BBX: variants seen among roughly 807,000 people sequenced by gnomAD.
BBX encodes HMG box transcription factor BBX.
Under a neutral mutation model 100.2 loss-of-function variants are expected in BBX, and 30 were observed. That is an observed-to-expected ratio of 0.30 (90% CI 0.22 to 0.41). The LOEUF is 0.41. Among genes scored for constraint, BBX ranks in the 10% least tolerant of loss-of-function variants. The probability of loss-of-function intolerance (pLI) is 1.00; values close to 1 mark genes in which losing one functional copy is unlikely to be tolerated. For missense variants in BBX, 1,023 were observed against 1,129.8 expected (o/e 0.91, Z 1.35); for synonymous variants, 376 against 388.1 (o/e 0.97, Z 0.37).
Position 107,804,656 on chromosome 3 carries a change from C to T in BBX, c.2739-714C>T, listed in dbSNP as rs1264182909. Among the ~76,000 whole-genome samples, 6 of 152,240 alleles carry T rather than the reference C, an allele frequency of 3.9e-5. No homozygotes were observed. In the East Asian group the frequency reaches 1.2e-3, roughly 29 times the overall value. On this transcript the variant is annotated intron_variant, in intron 17 of 17. Transcript: ENST00000325805. ...TGAAAATTTCCATGAATTTTCTAGTCCTGTCTGGAGTTCTCCCTCCATGTG... is the reference window on the plus strand; with the variant it reads ...TGAAAATTTCCATGAATTTTCTAGTTCTGTCTGGAGTTCTCCCTCCATGTG...
At chr3:107,529,321 G>T (rs945739990) in intron 2 of BBX, among the ~76,000 whole-genome samples, 2 of 152,182 alleles carry the variant, frequency 1.3e-5, no homozygotes, top group African/African-American at 4.8e-5. Flanking sequence ...TTTCACCACT[G>T]AGGGTACCTT....
intron 5 of BBX, among the ~76,000 whole-genome samples, chr3:107,717,688 A>G (rs1576481198): frequency 6.6e-6 from 1 of 152,158 alleles, no homozygotes; most frequent in Admixed American, 6.6e-5. Flanking sequence ...GAATGATAGC[A>G]GTTACTAAAT....
At chr3:107,695,457 A>C (rs1576374640) in intron 3 of BBX, among the ~76,000 whole-genome samples, 2 of 138,302 alleles carry the variant, frequency 1.4e-5, no homozygotes, top group South Asian at 4.7e-4. Flanking sequence ...TTATGTACCC[A>C]GTAGTCATTC....
At chr3:107,791,765 G>C (rs1227707102) in intron 15 of BBX, among the ~76,000 whole-genome samples, 1 of 152,172 alleles carries the variant, frequency 6.6e-6, no homozygotes, top group Non-Finnish European at 1.5e-5. Context: ...TACCTCGGGA[G>C]GCCAAGGCGG....
chr3:107,752,246 A>C (rs192341293), intron 9 of BBX, among the ~76,000 whole-genome samples: 1 of 152,354 alleles, frequency 6.6e-6, no homozygotes, highest in Admixed American at 6.5e-5. Context: ...ACCATTGGAT[A>C]TAAGCAATAG....
At chr3:107,648,129 A>G (rs894383178) in intron 3 of BBX, among the ~76,000 whole-genome samples, 1 of 152,178 alleles carries the variant, frequency 6.6e-6, no homozygotes, top group Admixed American at 6.5e-5. Context: ...GAATGCACAT[A>G]ATGTATTAAA....
chr3:107,656,162 A>T (rs2058127848), intron 3 of BBX, among the ~76,000 whole-genome samples: 1 of 150,520 alleles, frequency 6.6e-6, no homozygotes, highest in Non-Finnish European at 1.5e-5. Context: ...ACATTTCATA[A>T]TTGGTCCAAG....
intron 3 of BBX, among the ~76,000 whole-genome samples, chr3:107,671,827 A>G (rs1033844061): frequency 2.0e-5 from 3 of 152,076 alleles, no homozygotes; most frequent in African/African-American, 7.2e-5. Flanking sequence ...ATGGAATAGC[A>G]TGCTACAAGA....
rs2067094923 is a variant in BBX, at chr3:107,773,731, G to A, written c.1915+95G>A. ...AACAACTGCCATAAAAAACAATATG[G>A]TATCAAAATAATACCTTACATTTGT... On this transcript the variant is annotated intron_variant, in intron 11 of 17. Transcript: ENST00000325805. This position sits in a 1 kb window ranked among gnomAD's most constrained non-coding sequence, Gnocchi z 4.1. The A allele has an allele frequency of 9.1e-7, 1 of 1,096,018 alleles. No individual in the cohort carries two copies. The highest frequency in any genetic ancestry group is 1.3e-6 in the Non-Finnish European group (1 of 776,226). The allele number at this position is 1,096,018 out of a possible 1,614,324, so 67.9% of individuals were successfully genotyped here.
chr3:107,610,894 G>A (rs1043446949), intron 2 of BBX, among the ~76,000 whole-genome samples: 3 of 151,270 alleles, frequency 2.0e-5, no homozygotes, highest in East Asian at 1.9e-4. Flanking sequence ...CTGCCATTTT[G>A]TTATTTGTTT....
chr3:107,681,668 G>T (rs934767322), intron 3 of BBX, among the ~76,000 whole-genome samples: 1 of 152,108 alleles, frequency 6.6e-6, no homozygotes, highest in Non-Finnish European at 1.5e-5. Flanking sequence ...CCTAACCAGA[G>T]AAGTAATTGG....
At chr3:107,662,428 A>T (rs2058499929) in intron 3 of BBX, among the ~76,000 whole-genome samples, 1 of 152,176 alleles carries the variant, frequency 6.6e-6, no homozygotes, top group Non-Finnish European at 1.5e-5. Context: ...AATTCCAGTT[A>T]TGAAAAGAAG....
At position 107,585,035 on chromosome 3, in the gene BBX, A is replaced by G. The variant is rs939001471; in HGVS notation, c.-84+58637A>G. Among the ~76,000 whole-genome samples, 4 of 152,108 alleles carry G rather than the reference A, an allele frequency of 2.6e-5. No homozygotes were observed. The South Asian group carries it at 8.3e-4, about 31-fold the overall frequency. ...GAGACAAAAATGCAGGTGAGTATAT[A>G]AGAACAAAGCTTGGAGATCCAGTTC... On this transcript the variant is annotated intron_variant, in intron 2 of 17. Coordinates refer to ENST00000325805, the MANE Select transcript of BBX (RefSeq NM_001142568.3).
At chr3:107,525,226 A>C (rs909909596) in intron 1 of BBX, among the ~76,000 whole-genome samples, 3 of 150,034 alleles carry the variant, frequency 2.0e-5, no homozygotes, top group African/African-American at 7.3e-5. Context: ...CCAAGCCCGG[A>C]ATGGCAGCGC....
At chr3:107,547,802 T>A (rs1181793678) in intron 2 of BBX, among the ~76,000 whole-genome samples, 2 of 152,068 alleles carry the variant, frequency 1.3e-5, no homozygotes, top group Non-Finnish European at 2.9e-5. Flanking sequence ...TCTATTGATC[T>A]TATTCTTCAT....
At chr3:107,539,068 G>A (rs1355555493) in intron 2 of BBX, among the ~76,000 whole-genome samples, 1 of 152,154 alleles carries the variant, frequency 6.6e-6, no homozygotes, top group Non-Finnish European at 1.5e-5. Flanking sequence ...GAGATTACAG[G>A]TGTGAGGCAC....
chr3:107,596,446 A>G (rs2053672002), intron 2 of BBX, among the ~76,000 whole-genome samples: 2 of 152,200 alleles, frequency 1.3e-5, no homozygotes, highest in African/African-American at 2.4e-5. Flanking sequence ...TAATGGTATT[A>G]ACAATTTTTT....
chr3:107,748,107 T>A (rs2064775402), intron 9 of BBX, 68 bp downstream of exon 9: 2 of 1,345,540 alleles, frequency 1.5e-6, no homozygotes, highest in Admixed American at 1.8e-5. Flanking sequence ...TGGAATGGAG[T>A]TTTAATAATG....
rs745521083 is a variant in BBX at position 107,772,921 on chromosome 3, T to C, written c.1200T>C (p.Asp400=). 4 of 1,599,424 alleles carry C rather than the reference T, an allele frequency of 2.5e-6. No individual in the cohort carries two copies. The highest frequency in any genetic ancestry group is 2.6e-6 in the Non-Finnish European group (3 of 1,168,148). Reference sequence around the variant, plus strand: ...TTAGAAAGGAAGAGTTAGAAGAAGATCACAAATGTAGTCATTTTCCTGATT... The same window carrying C: ...TTAGAAAGGAAGAGTTAGAAGAAGACCACAAATGTAGTCATTTTCCTGATT... The part of the protein sequence containing the change: ...KEIRKEELEE[D]HKCSHFPDFS... Residue 400 remains aspartate, a synonymous_variant, in exon 11 of 18, where the codon GAT becomes GAC. Coordinates refer to ENST00000325805, the MANE Select transcript of BBX (RefSeq NM_001142568.3).
Sources: gnomAD v4.1 joint callset for allele counts (sites outside exome capture counted in the v4.1 genomes callset) on GRCh38, gnomAD v4.1.1 for gene constraint, Gnocchi (gnomAD v3.1) non-coding constraint, MANE v1.5 for transcripts, NCBI Gene and HGNC (gene_info 2026-07-23, HGNC 2026-07-21) for gene names.